PLPP4: variants seen among roughly 807,000 people sequenced by gnomAD.
The protein encoded by PLPP4 is phospholipid phosphatase 4.
In PLPP4, 20 loss-of-function variants were observed where a neutral mutation model predicts 32.2. That is an observed-to-expected ratio of 0.62 (90% CI 0.44 to 0.90). The LOEUF (loss-of-function observed/expected upper bound fraction) is 0.90. Among genes scored for constraint, PLPP4 ranks in the 40% least tolerant of loss-of-function variants. The pLI is 0.00. For synonymous variants in PLPP4, 127 were observed against 133.0 expected (o/e 0.95, Z 0.31); for missense variants, 257 against 353.1 (o/e 0.73, Z 2.18).
chr10:120,520,930 G>C (rs1846124128), intron 4 of PLPP4, 41 bp from the exon 5 acceptor site: 5 of 1,611,378 alleles, frequency 3.1e-6, no homozygotes, highest in Non-Finnish European at 4.2e-6. Flanking sequence ...ATTTGTGATG[G>C]CAGCATTTTA....
At chr10:120,571,561 G>A (rs969821261) in intron 5 of PLPP4, among the ~76,000 whole-genome samples, 2 of 152,082 alleles carry the variant, frequency 1.3e-5, no homozygotes, top group Non-Finnish European at 2.9e-5. Context: ...CAGCCTTCCT[G>A]GTTTTTTGTT....
At chr10:120,475,659 T>G (rs1843868915) in intron 1 of PLPP4, among the ~76,000 whole-genome samples, 1 of 152,190 alleles carries the variant, frequency 6.6e-6, no homozygotes. Flanking sequence ...GGCGGTGTAT[T>G]CTCCTGCAAT....
chr10:120,496,046 G>T (rs147531652), intron 1 of PLPP4, among the ~76,000 whole-genome samples: 1 of 152,174 alleles, frequency 6.6e-6, no homozygotes, highest in Non-Finnish European at 1.5e-5. Context: ...TAAGTCTAAT[G>T]ATCTGATCTG....
At chr10:120,560,467 A>G (rs1041660930) in intron 5 of PLPP4, among the ~76,000 whole-genome samples, 2 of 152,228 alleles carry the variant, frequency 1.3e-5, no homozygotes, top group East Asian at 3.9e-4. Context: ...ATTAAAAATA[A>G]TGGCAGACTG....
At chr10:120,558,410 TC>T (rs1370164595) in intron 5 of PLPP4, among the ~76,000 whole-genome samples, 17 of 134,660 alleles carry the variant, frequency 1.3e-4, no homozygotes, top group African/African-American at 4.2e-4. Flanking sequence ...TTTCTTTCTT[TC>T]TTTTTTTTTT....
chr10:120,549,796 C>T (rs1564833603), intron 5 of PLPP4, among the ~76,000 whole-genome samples: 2 of 151,840 alleles, frequency 1.3e-5, no homozygotes, highest in East Asian at 3.8e-4. Flanking sequence ...TTATGCATGA[C>T]AAAAAATCTG....
chr10:120,530,581 A>G (rs1183633184), intron 5 of PLPP4, among the ~76,000 whole-genome samples: 1 of 152,152 alleles, frequency 6.6e-6, no homozygotes, highest in Non-Finnish European at 1.5e-5. Context: ...AGGTTGTTCT[A>G]GTTTGTTCAG....
chr10:120,490,012 G>T (rs1271596438), intron 1 of PLPP4, among the ~76,000 whole-genome samples: 1 of 152,212 alleles, frequency 6.6e-6, no homozygotes, highest in East Asian at 1.9e-4. Flanking sequence ...TTGTGGAGCT[G>T]GTGTTCTGCT....
chr10:120,525,866 A>G lies in PLPP4; in HGVS notation c.445+4771A>G, dbSNP rs1846364892. 2.0e-5 allele frequency among the ~76,000 whole-genome samples: 3 copies of G among 151,962 alleles called. No individual in the cohort carries two copies. The South Asian group carries it at 6.2e-4, about 32-fold the overall frequency. ...TTTTATGGTCCTTTCTCTGTGTCTC[A>G]CCATCTAAAGTCCACAATGATGTAC... On this transcript the variant is annotated intron_variant, in intron 5 of 6. Coordinates refer to ENST00000398250, the MANE Select transcript of PLPP4 (RefSeq NM_001030059.3).
chr10:120,525,749 C>A (rs1168660815), intron 5 of PLPP4, among the ~76,000 whole-genome samples: 1 of 152,218 alleles, frequency 6.6e-6, no homozygotes, highest in Non-Finnish European at 1.5e-5. Context: ...GGAGGAAAAT[C>A]ATTTCCATGC....
At chr10:120,575,381 T>A in intron 6 of PLPP4, 80 bp downstream of exon 6, 1 of 1,453,564 alleles carries the variant, frequency 6.9e-7, no homozygotes, top group South Asian at 1.3e-5. Context: ...AATGCACCAA[T>A]TGTGGGGAGC....
intron 1 of PLPP4, among the ~76,000 whole-genome samples, chr10:120,485,610 G>T (rs1486428155): frequency 1.3e-5 from 2 of 152,222 alleles, no homozygotes; most frequent in East Asian, 3.8e-4. Flanking sequence ...CATGCACATG[G>T]TTTTTGATGC....
chr10:120,562,888 G>A (rs967824058), intron 5 of PLPP4, among the ~76,000 whole-genome samples: 5 of 152,108 alleles, frequency 3.3e-5, no homozygotes, highest in African/African-American at 9.7e-5. Context: ...AAATAAGACA[G>A]ATGTACAAAA....
chr10:120,479,256 A>C (rs888464389), intron 1 of PLPP4, among the ~76,000 whole-genome samples: 1 of 151,984 alleles, frequency 6.6e-6, no homozygotes, highest in East Asian at 1.9e-4. Context: ...CAAACCAAAA[A>C]AAAACCTTCC....
intron 1 of PLPP4, among the ~76,000 whole-genome samples, chr10:120,485,757 T>C (rs1844418890): frequency 6.6e-6 from 1 of 152,206 alleles, no homozygotes; most frequent in Non-Finnish European, 1.5e-5. Flanking sequence ...GCAAAAAGAA[T>C]ACAGCGATGT....
intron 5 of PLPP4, among the ~76,000 whole-genome samples, chr10:120,568,424 C>G (rs1848783376): frequency 6.6e-6 from 1 of 152,184 alleles, no homozygotes; most frequent in African/African-American, 2.4e-5. Flanking sequence ...AAGGCAGTAA[C>G]AATCATTACA....
At chr10:120,525,394 G>T (rs1286330185) in intron 5 of PLPP4, among the ~76,000 whole-genome samples, 1 of 152,204 alleles carries the variant, frequency 6.6e-6, no homozygotes, top group African/African-American at 2.4e-5. Context: ...GTTGTTGCTT[G>T]TGGAATACAT....
chr10:120,563,766 G>GTCCGCAT (rs1848549397), intron 5 of PLPP4, among the ~76,000 whole-genome samples: 1 of 111,746 alleles, frequency 8.9e-6, no homozygotes, highest in Admixed American at 1.1e-4. Flanking sequence ...CGCCACTGCA[G>GTCCGCAT]TCCGCAGTCC....
Position 120,560,359 on chromosome 10 carries a change from A to G in PLPP4, c.446-14772A>G, listed in dbSNP as rs549021767. 1.1e-3 allele frequency among the ~76,000 whole-genome samples: 174 copies of G among 151,630 alleles called. 1 individual carries two copies. The highest frequency in any genetic ancestry group is 3.0e-3 in the Admixed American group (45 of 15,226). On this transcript the variant is annotated intron_variant, in intron 5 of 6. Transcript: ENST00000398250. The stretch of plus-strand genomic sequence containing the variant: ...AAAAAAAAAAAGAAAGAAAAAAATC[A>G]TTTGTGAAGCTGTCACTGCAGCTGC...
Sources: gnomAD v4.1 joint callset for allele counts (sites outside exome capture counted in the v4.1 genomes callset) on GRCh38, gnomAD v4.1.1 for gene constraint, MANE v1.5 for transcripts, NCBI Gene and HGNC (gene_info 2026-07-23, HGNC 2026-07-21) for gene names.